The following SYBU variants were observed in gnomAD, a reference collection of about 807,000 sequenced individuals.
SYBU encodes syntabulin, also known as GOLSYN A protein.
SYBU carries 21 observed loss-of-function variants against 35.9 expected under a neutral mutation model. The observed-to-expected ratio is 0.58, with a 90% confidence interval of 0.41 to 0.84. The LOEUF is 0.84. Ranked by LOEUF, SYBU falls within the 40% of genes least tolerant of loss-of-function variation. The pLI is 0.00. For missense variants in SYBU, 768 were observed against 848.2 expected, an observed-to-expected ratio of 0.91 and a Z score of 1.17; for synonymous variants, 319 against 324.3, an observed-to-expected ratio of 0.98 and a Z score of 0.18.
intron 2 of SYBU, among the ~76,000 whole-genome samples, chr8:109,619,656 A>C (rs1332327198): frequency 6.6e-6 from 1 of 152,216 alleles, no homozygotes; most frequent in Non-Finnish European, 1.5e-5. Context: ...GGATGTGTTT[A>C]GTAATAAGAA....
At chr8:109,610,205 T>C (rs943298465) in intron 3 of SYBU, among the ~76,000 whole-genome samples, 3 of 152,166 alleles carry the variant, frequency 2.0e-5, no homozygotes, top group East Asian at 3.8e-4. Context: ...CTTGTTTTAC[T>C]TGTCACCATC....
intron 5 of SYBU, among the ~76,000 whole-genome samples, chr8:109,578,548 G>A (rs1215867662): frequency 1.3e-5 from 2 of 152,200 alleles, no homozygotes; most frequent in Non-Finnish European, 2.9e-5. Flanking sequence ...TAGAATTGCC[G>A]ATCTTAGGAC....
chr8:109,687,382 G>A (rs1237366896), intron 1 of SYBU, among the ~76,000 whole-genome samples: 5 of 152,292 alleles, frequency 3.3e-5, no homozygotes, highest in African/African-American at 9.6e-5. Context: ...CATTTAACAA[G>A]TTATGAACTG....
At chr8:109,616,142 G>A (rs1032410699) in intron 3 of SYBU, among the ~76,000 whole-genome samples, 2 of 150,470 alleles carry the variant, frequency 1.3e-5, no homozygotes, top group Admixed American at 1.3e-4. Flanking sequence ...CTCCTGAGTA[G>A]CTGGGATTAC....
intron 4 of SYBU, chr8:109,580,621 C>G (rs984777606): frequency 6.5e-6 from 1 of 152,824 alleles, no homozygotes; most frequent in Non-Finnish European, 1.5e-5. Flanking sequence ...CTGTAACAGC[C>G]CCATCTTGGT....
intron 1 of SYBU, among the ~76,000 whole-genome samples, chr8:109,690,881 G>A (rs1817629720): frequency 6.6e-6 from 1 of 152,118 alleles, no homozygotes; most frequent in Non-Finnish European, 1.5e-5. Context: ...CTGGGGACTT[G>A]GGACTGTCTC....
At chr8:109,673,796 G>A (rs995673814) in intron 1 of SYBU, among the ~76,000 whole-genome samples, 6 of 152,176 alleles carry the variant, frequency 3.9e-5, no homozygotes, top group Non-Finnish European at 7.3e-5. Context: ...AAAAACGTTA[G>A]AGGAATTGCT....
Position 109,575,351 on chromosome 8 carries a change from G to A in SYBU, c.1547C>T (p.Ser516Leu), listed in dbSNP as rs201853391. Residue 516 changes from serine to leucine, a missense_variant, in exon 7 of 7, where the codon TCG becomes TTG. Ser to Leu is a moderately radical substitution (Grantham distance 145). Transcript: ENST00000276646. ...AGACTCATCAGGGGACGCCAAGCTCGAGGGACAGGGGTCCTGGAGCTTCTG... is the reference window on the plus strand; with the variant it reads ...AGACTCATCAGGGGACGCCAAGCTCAAGGGACAGGGGTCCTGGAGCTTCTG... ...VLQKLQDPCPSSLASPDESEP... is the reference protein window; with the variant it reads ...VLQKLQDPCPLSLASPDESEP... 320 of 1,614,042 alleles carry A rather than the reference G, an allele frequency of 2.0e-4. No individual in the cohort carries two copies. Among genetic ancestry groups the A allele is most frequent in the Non-Finnish European group, 2.1e-4 (247 of 1,180,036 alleles).
intron 2 of SYBU, among the ~76,000 whole-genome samples, chr8:109,640,382 T>C (rs926059761): frequency 2.0e-5 from 3 of 152,206 alleles, no homozygotes; most frequent in Admixed American, 6.5e-5. Context: ...AACAACTTTT[T>C]CTTTTTTTCT....
chr8:109,580,234 TG>T, intron 4 of SYBU: 1 of 515,626 alleles, frequency 1.9e-6, no homozygotes, highest in Non-Finnish European at 3.5e-6. Context: ...AAATAGTTTC[TG>T]ACCATAAAGC....
chr8:109,604,308 GT>G (rs1221438076), intron 3 of SYBU, among the ~76,000 whole-genome samples: 41 of 152,122 alleles, frequency 2.7e-4, no homozygotes, highest in Non-Finnish European at 7.4e-5. Context: ...TAAAAATACA[GT>G]TTTACCCTTT....
chr8:109,602,220 A>G (rs1166039171), intron 3 of SYBU, among the ~76,000 whole-genome samples: 2 of 152,208 alleles, frequency 1.3e-5, no homozygotes, highest in Non-Finnish European at 2.9e-5. Context: ...ATCTTATGCC[A>G]TATGCTTGAC....
chr8:109,619,524 G>A (rs1563730953), intron 2 of SYBU, among the ~76,000 whole-genome samples: 1 of 152,086 alleles, frequency 6.6e-6, no homozygotes, highest in Non-Finnish European at 1.5e-5. Context: ...ACCATGCCCG[G>A]CCCCTTGTAA....
In SYBU at chr8:109,575,693, G is replaced by A. The variant is rs770148862; in HGVS notation, c.1205C>T (p.Thr402Ile). 5.8e-5 allele frequency: 94 copies of A among 1,614,156 alleles called. No homozygotes were observed. The African/African-American group carries it at 1.1e-3, about 19-fold the overall frequency. Residue 402 changes from threonine (T) to isoleucine (I), a missense_variant, in exon 7 of 7, where the codon ACC becomes ATC. Physicochemically the swap from Thr to Ile is moderately conservative, Grantham distance 89 (BLOSUM62 -1). Transcript: ENST00000276646. ...CATTGTGTCAAGAGGGGGGTTGAGGGTTAAGCTCTTCTCTGGGGAATCACA... is the reference window on the plus strand; with the variant it reads ...CATTGTGTCAAGAGGGGGGTTGAGGATTAAGCTCTTCTCTGGGGAATCACA... ...FPCDSPEKSL[T>I]LNPPLDTMAD...
At chr8:109,645,626 G>GTTTTTTTTTTT (rs201121007), upstream of SYBU, 245 of 244,960 alleles carry the variant, frequency 1.0e-3, 16 homozygotes, top group African/African-American at 6.5e-3. Context: ...TTGTTGTTTC[G>GTTTTTTTTTTT]TTTTTTGTTT....
At chr8:109,589,650 G>A (rs767774979) in intron 3 of SYBU, among the ~76,000 whole-genome samples, 64 of 152,110 alleles carry the variant, frequency 4.2e-4, no homozygotes, top group Non-Finnish European at 1.2e-4. Flanking sequence ...TATTTATAAC[G>A]TTAGGATAAT....
At chr8:109,658,900 G>A (rs542994174) in intron 1 of SYBU, among the ~76,000 whole-genome samples, 2 of 152,042 alleles carry the variant, frequency 1.3e-5, no homozygotes, top group South Asian at 4.1e-4. Context: ...GTTGCAGTGA[G>A]CAGAGATTGC....
At chr8:109,669,059 T>C (rs183002578) in intron 1 of SYBU, among the ~76,000 whole-genome samples, 37 of 152,168 alleles carry the variant, frequency 2.4e-4, no homozygotes, top group African/African-American at 8.9e-4. Context: ...AAGCAACTGA[T>C]CGGCTGGGCG....
At position 109,678,733 on chromosome 8, in the gene SYBU, C is replaced by G. The variant is rs1817294634; in HGVS notation, c.-129+1978G>C. On this transcript the variant is annotated intron_variant, in intron 1 of 5. Coordinates refer to the SYBU transcript ENST00000408889. Reference sequence around the variant, plus strand: ...GGATTATAGGAGTGAGCTAGCATGCCCAGCTTCAAATAACTTTTAAAATCA... The same window carrying G: ...GGATTATAGGAGTGAGCTAGCATGCGCAGCTTCAAATAACTTTTAAAATCA... Among the ~76,000 whole-genome samples, 3 of 152,030 alleles carry G rather than the reference C, an allele frequency of 2.0e-5. No individual in the cohort carries two copies. In the South Asian group the frequency reaches 6.2e-4, roughly 32 times the overall value.
Sources: gnomAD v4.1 joint callset for allele counts (sites outside exome capture counted in the v4.1 genomes callset) on GRCh38, gnomAD v4.1.1 for gene constraint, MANE v1.5 for transcripts, NCBI Gene and HGNC (gene_info 2026-07-23, HGNC 2026-07-21) for gene names.